OTOGL: variants seen among roughly 807,000 people sequenced by gnomAD.
OTOGL encodes otogelin-like protein.
OTOGL carries 285 observed loss-of-function variants against 318.5 expected under a neutral mutation model. The ratio of observed to expected loss-of-function variants is 0.89; its 90% CI spans 0.81 to 0.99. The LOEUF is 0.99. Among genes scored for constraint, OTOGL ranks in the 50% least tolerant of loss-of-function variants. OTOGL has a pLI of 0.00. For missense variants in OTOGL, 2,899 were observed against 2,845.6 expected, an observed-to-expected ratio of 1.02 and a Z score of -0.43; for synonymous variants, 987 against 936.5, an observed-to-expected ratio of 1.05 and a Z score of -0.99.
chr12:80,351,164 C>T (rs896525594), intron 44 of OTOGL, among the ~76,000 whole-genome samples: 1 of 152,172 alleles, frequency 6.6e-6, no homozygotes, highest in Non-Finnish European at 1.5e-5. Context: ...AGATACTTTT[C>T]TTTCCCCATT....
rs1877201021 is a variant in OTOGL, at chr12:80,210,903, C to T, written c.119+17C>T. ...AACATCAAAGTGAGTATTTCTTGTT[C>T]TTCGTGTCCTCTAAAACATAAAGTT... On this transcript the variant is annotated intron_variant, in intron 3 of 58. Coordinates refer to ENST00000547103, the MANE Select transcript of OTOGL (RefSeq NM_001378609.3). The T allele has an allele frequency of 2.1e-6, 3 of 1,453,122 alleles. No homozygotes were observed. Among genetic ancestry groups the T allele is most frequent in the African/African-American group, 1.4e-5 (1 of 69,810 alleles). The allele number at this position is 1,453,122 out of a possible 1,614,324, so 90.0% of individuals were successfully genotyped here. A position where few individuals can be genotyped will look rare whatever the true frequency, so the allele number is the denominator to read the frequency against.
In OTOGL at chr12:80,238,916, A is replaced by G; in HGVS notation, c.883A>G (p.Lys295Glu). The change falls in exon 10 of 59, where the codon AAA (lysine) becomes GAA (glutamate). Residue 295 changes from lysine (K) to glutamate (E), a missense_variant. Physicochemically the swap from Lys to Glu is moderately conservative, Grantham distance 56. Around this residue, in one of 3 missense-constraint regions of OTOGL, gnomAD observed 2,607 missense variants for 2,524.9 expected, o/e 1.03. Coordinates refer to ENST00000547103, the MANE Select transcript of OTOGL (RefSeq NM_001378609.3). ...GTCGGTGCAAACTCCAGATGACACCAAATGTGTACTCACACCCTCAGATTT... is the reference window on the plus strand; with the variant it reads ...GTCGGTGCAAACTCCAGATGACACCGAATGTGTACTCACACCCTCAGATTT... ...SWSVQTPDDT[K>E]CVLTPSDFPN... 1 of 1,595,130 alleles carries G rather than the reference A, an allele frequency of 6.3e-7. No individual in the cohort carries two copies. The highest frequency in any genetic ancestry group is 8.5e-7 in the Non-Finnish European group (1 of 1,177,754).
intron 44 of OTOGL, among the ~76,000 whole-genome samples, chr12:80,346,730 G>T (rs751052745): frequency 6.6e-6 from 1 of 152,112 alleles, no homozygotes; most frequent in Non-Finnish European, 1.5e-5. Context: ...GATGGATTCT[G>T]CTGGTCAGTG....
rs1174281547 is a variant in OTOGL at position 80,267,999 on chromosome 12, TG to T, written c.2465+673del. ...AAAAAAAGCAATTTCAAAATAGATT[TG>T]AAAAATGTCCTGCACAGTAGTAAGT... On this transcript the variant is annotated intron_variant, in intron 22 of 58. Coordinates refer to ENST00000547103, the MANE Select transcript of OTOGL (RefSeq NM_001378609.3). Among the ~76,000 whole-genome samples, 16 of 152,140 alleles carry T rather than the reference TG, an allele frequency of 1.1e-4. No individual in the cohort carries two copies. In the East Asian group the frequency reaches 1.2e-3, roughly 11 times the overall value.
At chr12:80,265,293 A>G in intron 20 of OTOGL, 83 bp downstream of exon 20, 3 of 1,303,388 alleles carry the variant, frequency 2.3e-6, no homozygotes. Context: ...TATTTTTTAA[A>G]TGAAATGTCA....
chr12:80,353,558 CA>C (rs1889693819), intron 46 of OTOGL, 48 bp downstream of exon 46: 2 of 1,307,068 alleles, frequency 1.5e-6, no homozygotes, highest in Non-Finnish European at 2.0e-6. Flanking sequence ...GGCAAACAAA[CA>C]AAAACATTTT....
intron 52 of OTOGL, among the ~76,000 whole-genome samples, chr12:80,361,738 G>T (rs78451016): frequency 2.6e-5 from 4 of 152,026 alleles, no homozygotes; most frequent in Admixed American, 1.3e-4. Context: ...CTAATATTAA[G>T]CATTTTAAAA....
chr12:80,340,293 T>G (rs1347983989), intron 43 of OTOGL, among the ~76,000 whole-genome samples: 6 of 152,058 alleles, frequency 3.9e-5, no homozygotes, highest in African/African-American at 1.4e-4. Flanking sequence ...TTTTGGAAAT[T>G]TTTGCTAAAA....
At chr12:80,225,850 C>T (rs555262716) in intron 7 of OTOGL, among the ~76,000 whole-genome samples, 1 of 151,990 alleles carries the variant, frequency 6.6e-6, no homozygotes, top group Non-Finnish European at 1.5e-5. Flanking sequence ...CATTATCATA[C>T]AGATATCCTT....
At chr12:80,136,990 TG>T (rs1871616489) in intron 1 of OTOGL, among the ~76,000 whole-genome samples, 1 of 152,158 alleles carries the variant, frequency 6.6e-6, no homozygotes, top group African/African-American at 2.4e-5. Flanking sequence ...GTTAAATAAG[TG>T]TTTGTTGGCT....
chr12:80,355,529 A>G (rs1315141357), intron 46 of OTOGL, among the ~76,000 whole-genome samples: 1 of 152,008 alleles, frequency 6.6e-6, no homozygotes, highest in Non-Finnish European at 1.5e-5. Flanking sequence ...TGACCAGGAA[A>G]AAAATATTTT....
intron 22 of OTOGL, among the ~76,000 whole-genome samples, 171 bp downstream of exon 22, chr12:80,267,498 C>T (rs1883082039): frequency 6.6e-6 from 1 of 151,166 alleles, no homozygotes; most frequent in Admixed American, 6.6e-5. Context: ...TGGTGTGCTG[C>T]ACCCATTAAC....
chr12:80,219,959 A>G (rs765144366), intron 6 of OTOGL, 47 bp downstream of exon 6: 6 of 1,341,550 alleles, frequency 4.5e-6, no homozygotes. Context: ...TACCAAGGAG[A>G]AAATTAAGGC....
At chr12:80,265,312 TG>T in intron 20 of OTOGL, 102 bp downstream of exon 20, 1 of 1,131,536 alleles carries the variant, frequency 8.8e-7, no homozygotes, top group Non-Finnish European at 1.3e-6. Flanking sequence ...CAATATTGCA[TG>T]TAAGTTATTT....
intron 1 of OTOGL, among the ~76,000 whole-genome samples, chr12:80,192,903 T>G (rs1875794206): frequency 6.6e-6 from 1 of 152,168 alleles, no homozygotes; most frequent in African/African-American, 2.4e-5. Context: ...AAAATAAAGG[T>G]TACTACTCAG....
intron 1 of OTOGL, among the ~76,000 whole-genome samples, chr12:80,203,926 C>T (rs1407080085): frequency 3.3e-5 from 5 of 152,120 alleles, no homozygotes; most frequent in Non-Finnish European, 2.9e-5. Flanking sequence ...CTTACACACA[C>T]CAAAGTTTAA....
At chr12:80,280,033 G>T (rs188925901) in intron 26 of OTOGL, among the ~76,000 whole-genome samples, 84 of 151,594 alleles carry the variant, frequency 5.5e-4, no homozygotes, top group Middle Eastern at 3.4e-3. Context: ...GTTTTGATTT[G>T]CATTTCTCTA....
chr12:80,202,447 A>AT (rs1185976914), intron 1 of OTOGL, among the ~76,000 whole-genome samples: 1 of 151,486 alleles, frequency 6.6e-6, no homozygotes, highest in Admixed American at 6.6e-5. Flanking sequence ...ATTTTTTTGT[A>AT]TTTTTAGTAG....
rs1168332417 is a variant in OTOGL, at chr12:80,252,211, T to C, written c.1285+10T>C. ...TGTTACTGCCCAGATGGTAAGTGCT[T>C]CATGAAGAAACCATGTCTGCACTCA... On this transcript the variant is annotated intron_variant, in intron 13 of 58. Transcript: ENST00000547103. 1.3e-6 allele frequency: 2 copies of C among 1,595,766 alleles called. No individual in the cohort carries two copies. The highest frequency in any genetic ancestry group is 2.3e-5 in the South Asian group (2 of 87,566).
Sources: allele counts gnomAD v4.1 joint callset (sites outside exome capture counted in the v4.1 genomes callset), GRCh38; gene constraint gnomAD v4.1.1; regional missense constraint gnomAD v4.1.1; transcripts MANE v1.5; gene names NCBI Gene and HGNC (gene_info 2026-07-23, HGNC 2026-07-21).